Variants in GREB1 observed in about 807,000 individuals in gnomAD.
The protein encoded by GREB1 is protein GREB1.
Under a neutral mutation model 200.7 loss-of-function variants are expected in GREB1, and 106 were observed. The observed-to-expected ratio is 0.53, with a 90% confidence interval of 0.45 to 0.62. The LOEUF is 0.62. GREB1 is among the 20% of genes least tolerant of loss of function. The pLI is 0.00. For synonymous variants in GREB1, 1,132 were observed against 1,092.4 expected, an observed-to-expected ratio of 1.04 and a Z score of -0.72; for missense variants, 2,243 against 2,556.8, an observed-to-expected ratio of 0.88 and a Z score of 2.65.
At chr2:11,587,588 G>T (rs953792149) in intron 9 of GREB1, 3 of 1,485,014 alleles carry the variant, frequency 2.0e-6, no homozygotes, top group Non-Finnish European at 9.0e-7. Flanking sequence ...TGTGCCCCAG[G>T]CACCAGCTTT....
chr2:11,588,508 G>A (rs954823917), intron 9 of GREB1: 26 of 574,300 alleles, frequency 4.5e-5, no homozygotes, highest in African/African-American at 1.5e-4. Flanking sequence ...AGGATTGGAC[G>A]AAATGAACCA....
rs1048279156 is a variant in GREB1, at chr2:11,611,047, A to T, written c.3006+20A>T. The T allele has an allele frequency of 1.3e-6, 2 of 1,526,096 alleles. No homozygotes were observed. The highest frequency in any genetic ancestry group is 4.0e-5 in the Admixed American group (2 of 49,910). 94.5% of individuals were successfully genotyped at this position (1,526,096 alleles called of 1,614,324 possible). On this transcript the variant is annotated intron_variant, in intron 18 of 32. Coordinates refer to ENST00000381486, the MANE Select transcript of GREB1 (RefSeq NM_014668.4). ...CTCAGGGTAGGTGCTGTGCGCAGGG[A>T]GGGGCGGAGGGCCTGGGGGTACCTG...
At chr2:11,588,060 T>TTA in intron 9 of GREB1, 2 of 602,504 alleles carry the variant, frequency 3.3e-6, no homozygotes, top group Non-Finnish European at 4.2e-6. Flanking sequence ...ACCTTGTCTC[T>TTA]ACTAAAAATA....
At chr2:11,582,936 T>A (rs916456291) in intron 7 of GREB1, among the ~76,000 whole-genome samples, 1 of 152,144 alleles carries the variant, frequency 6.6e-6, no homozygotes. Context: ...AAGGATGGAT[T>A]TGTTGTCCCA....
chr2:11,595,943 G>T (rs1157232597), intron 12 of GREB1, among the ~76,000 whole-genome samples, 168 bp from the exon 13 acceptor site: 1 of 152,098 alleles, frequency 6.6e-6, no homozygotes, highest in Admixed American at 6.6e-5. Flanking sequence ...CTCTGGCAGT[G>T]TGTCTTCATC....
At chr2:11,615,372 A>G (rs967813992) in intron 20 of GREB1, 82 bp downstream of exon 20, 1 of 1,229,040 alleles carries the variant, frequency 8.1e-7, no homozygotes, top group African/African-American at 1.5e-5. Flanking sequence ...GCCTGTGCTT[A>G]TGGAGACAGC....
chr2:11,600,664 C>G, intron 15 of GREB1, 136 bp from the exon 16 acceptor site: 1 of 718,912 alleles, frequency 1.4e-6, no homozygotes, highest in Non-Finnish European at 2.4e-6. Context: ...TTTCTCTATT[C>G]TTAGTCAGGG....
chr2:11,614,993 G>A (rs1021928338), intron 19 of GREB1, 98 bp from the exon 20 acceptor site: 6 of 875,268 alleles, frequency 6.9e-6, no homozygotes, highest in African/African-American at 1.6e-5. Context: ...TCACCAGGAA[G>A]GTGGGGTGTG....
At chr2:11,635,854 G>A (rs1411663264) in intron 30 of GREB1, among the ~76,000 whole-genome samples, 1 of 152,192 alleles carries the variant, frequency 6.6e-6, no homozygotes, top group African/African-American at 2.4e-5. Context: ...GAGCAGGCCT[G>A]GGGAATTAAG....
In GREB1 at chr2:11,629,075, C is replaced by G. The variant is rs533719317; in HGVS notation, c.4450-873C>G. On this transcript the variant is annotated intron_variant, in intron 25 of 32. Coordinates refer to ENST00000381486, the MANE Select transcript of GREB1 (RefSeq NM_014668.4). The surrounding 1 kb of genome is among the most constrained non-coding windows in gnomAD (Gnocchi z 5.2). ...TAACTGCCTCCCCGAGTCAAAATCCCTTTCTCCCTCATCTCTGCTCCCAAA... is the reference window on the plus strand; with the variant it reads ...TAACTGCCTCCCCGAGTCAAAATCCGTTTCTCCCTCATCTCTGCTCCCAAA... Among the ~76,000 whole-genome samples, 1 of 152,316 alleles carries G rather than the reference C, an allele frequency of 6.6e-6. No homozygotes were observed. The highest frequency in any genetic ancestry group is 6.5e-5 in the Admixed American group (1 of 15,302).
In GREB1 at chr2:11,626,520, G is replaced by A. The variant is rs577786511; in HGVS notation, c.4307-442G>A. Among the ~76,000 whole-genome samples, 10 of 152,278 alleles carry A rather than the reference G, an allele frequency of 6.6e-5. No homozygotes were observed. In the South Asian group the frequency reaches 1.0e-3, roughly 16 times the overall value. ...GGAGAATCACTTGAACCTGCGAGGC[G>A]GAGGTTGCAGTGAGCTGAGATTGTG... On this transcript the variant is annotated intron_variant, in intron 24 of 32. Transcript: ENST00000381486.
At chr2:11,569,652 G>A (rs1678059688) in intron 4 of GREB1, among the ~76,000 whole-genome samples, 2 of 152,248 alleles carry the variant, frequency 1.3e-5, no homozygotes, top group Non-Finnish European at 2.9e-5. Context: ...AGCCAATGCA[G>A]TGGGTCTATT....
chr2:11,598,606 C>A (rs2148225270), intron 14 of GREB1, 74 bp from the exon 15 acceptor site: 1 of 1,367,472 alleles, frequency 7.3e-7, no homozygotes, highest in Non-Finnish European at 1.0e-6. Context: ...GGAGTCGCTC[C>A]TCAGGTGTCT....
chr2:11,632,825 G>C, intron 27 of GREB1, 64 bp from the exon 28 acceptor site: 1 of 1,447,472 alleles, frequency 6.9e-7, no homozygotes, highest in East Asian at 2.4e-5. Flanking sequence ...GGTCTGCCTG[G>C]GGTCTGTCTG....
At chr2:11,634,022 G>A (rs1163830369) in intron 28 of GREB1, 109 bp from the exon 29 acceptor site, 12 of 1,039,842 alleles carry the variant, frequency 1.2e-5, no homozygotes, top group South Asian at 2.8e-5. Context: ...GCACCGGCCC[G>A]TCCAGGTGTT....
At position 11,493,833 on chromosome 2, in the gene GREB1, G is replaced by A. The variant is rs1011526273; in HGVS notation, c.-159+11452G>A. On this transcript the variant is annotated intron_variant, in intron 1 of 2. Transcript: ENST00000628795. The surrounding 1 kb of genome is among the most constrained non-coding windows in gnomAD (Gnocchi z 4.6). ...AAACTCTGACCTCTGGGGGCAATTTGTAAACTCCAGAGATGTAAGGTATTG... is the reference window on the plus strand; with the variant it reads ...AAACTCTGACCTCTGGGGGCAATTTATAAACTCCAGAGATGTAAGGTATTG... Among the ~76,000 whole-genome samples the A allele has an allele frequency of 6.6e-6, 1 of 152,172 alleles. No individual in the cohort carries two copies. The highest frequency in any genetic ancestry group is 2.4e-5 in the African/African-American group (1 of 41,426).
chr2:11,524,123 G>A (rs1673794562), intron 1 of GREB1, among the ~76,000 whole-genome samples: 1 of 152,280 alleles, frequency 6.6e-6, no homozygotes, highest in Middle Eastern at 3.4e-3. Flanking sequence ...TCCTTGTAAT[G>A]AAATTATTAA....
At chr2:11,513,231 G>C (rs543378048) in intron 1 of GREB1, among the ~76,000 whole-genome samples, 1 of 152,248 alleles carries the variant, frequency 6.6e-6, no homozygotes, top group South Asian at 2.1e-4. Flanking sequence ...CAGCTGTCCT[G>C]GAAGTCTGTT....
rs190323500 is a variant in GREB1 at position 11,500,625 on chromosome 2, G to A, written c.-159+18244G>A. On this transcript the variant is annotated intron_variant, in intron 1 of 2. Coordinates refer to the GREB1 transcript ENST00000628795. ...CAATTAGTAAAGTATTCTTATTGCA[G>A]CAACAAAAATGTTGCAAATAAAATT... is the stretch of plus-strand genomic sequence containing the variant. Among the ~76,000 whole-genome samples the A allele has an allele frequency of 1.2e-3, 182 of 152,314 alleles. 1 individual carries two copies. In the Middle Eastern group the frequency reaches 0.014, roughly 11 times the overall value.
Sources: allele counts gnomAD v4.1 joint callset (sites outside exome capture counted in the v4.1 genomes callset), GRCh38; gene constraint gnomAD v4.1.1; non-coding constraint Gnocchi (gnomAD v3.1); transcripts MANE v1.5; gene names NCBI Gene and HGNC (gene_info 2026-07-23, HGNC 2026-07-21).